FSHR: variants seen among roughly 807,000 people sequenced by gnomAD.
FSHR encodes the protein follicle stimulating hormone receptor.
In FSHR, 46 loss-of-function variants were observed where a neutral mutation model predicts 52.1. The observed-to-expected ratio is 0.88, with a 90% CI of 0.70 to 1.13. The LOEUF (loss-of-function observed/expected upper bound fraction) is 1.13. Among genes scored for constraint, FSHR ranks in the 50% most tolerant of loss-of-function variants. The pLI is 0.00. For missense variants in FSHR, 964 were observed against 834.6 expected (o/e 1.16, Z -1.91); for synonymous variants, 399 against 309.6 (o/e 1.29, Z -3.03).
At chr2:49,017,610 G>T in intron 3 of FSHR, 47 bp from the exon 4 acceptor site, 1 of 1,377,464 alleles carries the variant, frequency 7.3e-7, no homozygotes, top group Non-Finnish European at 1.0e-6. Context: ...GGTAAGGAAT[G>T]CTGTAGTATT....
At chr2:49,054,990 C>T (rs546978577) in intron 2 of FSHR, among the ~76,000 whole-genome samples, 5 of 152,198 alleles carry the variant, frequency 3.3e-5, no homozygotes, top group South Asian at 2.1e-4. Flanking sequence ...AGCAAGGAAA[C>T]ATGACACCTT....
chr2:48,990,465 G>A (rs1400841702), intron 5 of FSHR, 101 bp downstream of exon 5: 1 of 828,446 alleles, frequency 1.2e-6, no homozygotes. Flanking sequence ...CAATACATTT[G>A]GAGGATGTAG....
At chr2:49,050,907 G>T (rs1668832869) in intron 2 of FSHR, among the ~76,000 whole-genome samples, 1 of 152,076 alleles carries the variant, frequency 6.6e-6, no homozygotes, top group Non-Finnish European at 1.5e-5. Context: ...ACACCACCCT[G>T]GGAACCAGGC....
intron 1 of FSHR, among the ~76,000 whole-genome samples, chr2:49,134,039 G>T (rs991868652): frequency 6.6e-6 from 1 of 152,150 alleles, no homozygotes; most frequent in African/African-American, 2.4e-5. Context: ...CACCAAAAGC[G>T]ATGGCAACAA....
At chr2:49,112,591 T>C (rs11891561) in intron 1 of FSHR, among the ~76,000 whole-genome samples, 6,303 of 152,286 alleles carry the variant, frequency 0.041, 418 homozygotes, top group African/African-American at 0.14. Context: ...AACCCATGTC[T>C]TTGAAGTCTT....
chr2:48,997,664 C>T (rs1573069089), intron 4 of FSHR, among the ~76,000 whole-genome samples: 1 of 152,056 alleles, frequency 6.6e-6, no homozygotes, highest in Non-Finnish European at 1.5e-5. Context: ...AACTTAGCCC[C>T]GTGACCAGGA....
intron 8 of FSHR, among the ~76,000 whole-genome samples, chr2:48,971,784 A>G (rs1008501267): frequency 2.6e-5 from 4 of 152,188 alleles, no homozygotes; most frequent in African/African-American, 9.7e-5. Flanking sequence ...TAAGGCTCAT[A>G]CAAATTTATA....
intron 4 of FSHR, among the ~76,000 whole-genome samples, chr2:49,012,959 A>C (rs1667325476): frequency 6.6e-6 from 1 of 152,122 alleles, no homozygotes; most frequent in South Asian, 2.1e-4. Flanking sequence ...AACTTCTGGT[A>C]GGTAATTAAG....
rs576346478 is a variant in FSHR at position 49,012,249 on chromosome 2, G to C, written c.374+5240C>G. 1.1e-4 allele frequency among the ~76,000 whole-genome samples: 17 copies of C among 152,208 alleles called. No individual in the cohort carries two copies. The East Asian group carries it at 3.3e-3, about 29-fold the overall frequency. On this transcript the variant is annotated intron_variant, in intron 4 of 9. Transcript: ENST00000406846. ...AAATATTGTGTAAACCTTATTTACA[G>C]ATCAATAGACAATCTTTCATACACA... is the stretch of plus-strand genomic sequence containing the variant.
intron 6 of FSHR, among the ~76,000 whole-genome samples, chr2:48,984,678 T>G (rs1172696693): frequency 6.6e-6 from 1 of 152,110 alleles, no homozygotes; most frequent in Non-Finnish European, 1.5e-5. Flanking sequence ...TGTTAGTGTT[T>G]CCTGTCTTAG....
At chr2:49,061,549 C>T (rs1394731789) in intron 2 of FSHR, among the ~76,000 whole-genome samples, 6 of 143,904 alleles carry the variant, frequency 4.2e-5, no homozygotes, top group Non-Finnish European at 7.5e-5. Flanking sequence ...AAAATAAATA[C>T]ATATATACAT....
chr2:49,061,973 A>G (rs931210058), intron 2 of FSHR, among the ~76,000 whole-genome samples: 3 of 151,334 alleles, frequency 2.0e-5, no homozygotes, highest in Non-Finnish European at 4.4e-5. Flanking sequence ...GGGGACTTCA[A>G]TGCCCCACTG....
chr2:48,986,156 CTGT>C (rs2104082235), intron 6 of FSHR, among the ~76,000 whole-genome samples: 1 of 152,264 alleles, frequency 6.6e-6, no homozygotes, highest in African/African-American at 2.4e-5. Flanking sequence ...GCCCCATTGT[CTGT>C]TGTTCCTTTC....
intron 2 of FSHR, among the ~76,000 whole-genome samples, chr2:49,021,732 G>T (rs1273788446): frequency 1.3e-5 from 2 of 150,712 alleles, no homozygotes; most frequent in East Asian, 4.0e-4. Flanking sequence ...TGTGAGAAGA[G>T]CTCCTCTTAT....
At chr2:49,008,071 C>A in intron 4 of FSHR, among the ~76,000 whole-genome samples, 1 of 149,962 alleles carries the variant, frequency 6.7e-6, no homozygotes, top group Non-Finnish European at 1.5e-5. Flanking sequence ...TACATGTGCA[C>A]ATTGTGCAGG....
intron 1 of FSHR, among the ~76,000 whole-genome samples, chr2:49,083,765 T>TA (rs1670265763): frequency 6.8e-6 from 1 of 146,348 alleles, no homozygotes; most frequent in Non-Finnish European, 1.5e-5. Context: ...TACATAATGG[T>TA]AAAGGGATCA....
At chr2:49,147,481 G>T (rs1460876031) in intron 1 of FSHR, among the ~76,000 whole-genome samples, 1 of 152,068 alleles carries the variant, frequency 6.6e-6, no homozygotes, top group East Asian at 1.9e-4. Flanking sequence ...TTAGAGTAGA[G>T]GACTTGGGTG....
At chr2:48,978,723 G>A (rs1259496696) in intron 8 of FSHR, among the ~76,000 whole-genome samples, 1 of 152,186 alleles carries the variant, frequency 6.6e-6, no homozygotes, top group East Asian at 1.9e-4. Context: ...ATGCTGAGCT[G>A]CTCCTCTGAA....
intron 1 of FSHR, among the ~76,000 whole-genome samples, chr2:49,088,782 T>C (rs1403759446): frequency 6.6e-6 from 1 of 152,198 alleles, no homozygotes; most frequent in Non-Finnish European, 1.5e-5. Context: ...CCATGAACTC[T>C]GGCTGACTGA....
Sources: allele counts gnomAD v4.1 joint callset (sites outside exome capture counted in the v4.1 genomes callset), GRCh38; gene constraint gnomAD v4.1.1; transcripts MANE v1.5; gene names NCBI Gene and HGNC (gene_info 2026-07-23, HGNC 2026-07-21).